TMPO: variants seen among roughly 807,000 people sequenced by gnomAD.
TMPO encodes thymopoietin.
TMPO carries 22 observed loss-of-function variants against 45.4 expected under a neutral mutation model. That is an observed-to-expected ratio of 0.48 (90% CI 0.35 to 0.69). TMPO has a LOEUF of 0.69. TMPO is among the 30% of genes least tolerant of loss of function. TMPO has a pLI of 0.01. For missense variants in TMPO, 512 were observed against 548.8 expected (o/e 0.93, Z 0.67); for synonymous variants, 241 against 204.1 (o/e 1.18, Z -1.54).
chr12:98,542,451 CT>C (rs35487542), intron 4 of TMPO, among the ~76,000 whole-genome samples: 159 of 138,264 alleles, frequency 1.1e-3, no homozygotes, highest in Middle Eastern at 7.3e-3. Context: ...GGGGCATTTG[CT>C]TTTTTTTTTT....
At chr12:98,538,244 TGGC>T (rs1877692429) in intron 4 of TMPO, among the ~76,000 whole-genome samples, 1 of 152,260 alleles carries the variant, frequency 6.6e-6, no homozygotes, top group African/African-American at 2.4e-5. Flanking sequence ...AGCATTGATT[TGGC>T]TGATGCTTTA....
chr12:98,544,490 A>G lies in TMPO; in HGVS notation c.832A>G (p.Ser278Gly), dbSNP rs1186084151. 6.2e-7 allele frequency: 1 copy of G among 1,613,972 alleles called. No homozygotes were observed. Among genetic ancestry groups the G allele is most frequent in the African/African-American group, 1.3e-5 (1 of 75,050 alleles). The change falls in exon 6 of 9, where the codon AGT (serine) becomes GGT (glycine). Residue 278 changes from serine to glycine, a missense_variant. Transcript: ENST00000556029. ...FRIDGPVISE[S>G]TPIAETIMAS... ...TATAGATGGTCCAGTAATTTCAGAG[A>G]GTACTCCCATAGCTGAAACTATAAT...
intron 3 of TMPO, chr12:98,534,781 C>G (rs1042362703): frequency 9.9e-7 from 1 of 1,009,818 alleles, no homozygotes; most frequent in Non-Finnish European, 1.2e-6. Context: ...ATCTCAGTAT[C>G]TTTTCACGTT....
At chr12:98,521,927 C>T (rs1876400620) in intron 1 of TMPO, among the ~76,000 whole-genome samples, 1 of 152,040 alleles carries the variant, frequency 6.6e-6, no homozygotes, top group East Asian at 1.9e-4. Flanking sequence ...ACAGTTTCAC[C>T]ATGTTGGTCA....
At chr12:98,526,431 C>A (rs928175827) in intron 1 of TMPO, among the ~76,000 whole-genome samples, 1 of 152,204 alleles carries the variant, frequency 6.6e-6, no homozygotes, top group Non-Finnish European at 1.5e-5. Context: ...CCTTATACTT[C>A]AGATCATCTC....
intron 7 of TMPO, 87 bp downstream of exon 7, chr12:98,545,148 G>A: frequency 6.1e-6 from 3 of 492,820 alleles, no homozygotes; most frequent in South Asian, 2.4e-5. Flanking sequence ...TTTTTTTTTT[G>A]GAGTGGGAGG....
chr12:98,515,754 G>A lies in TMPO; in HGVS notation c.-114G>A, dbSNP rs936097139. Reference sequence around the variant, plus strand: ...TGTTCCGCTCCGCAGCGCTCTTCCCGGGCAGGAGCCGTGAGGCTCGGAGGC... The same window carrying A: ...TGTTCCGCTCCGCAGCGCTCTTCCCAGGCAGGAGCCGTGAGGCTCGGAGGC... On this transcript the variant is annotated 5_prime_UTR_variant, in exon 1 of 9. Coordinates refer to ENST00000556029, the MANE Select transcript of TMPO (RefSeq NM_001032283.3). 4.5e-6 allele frequency: 7 copies of A among 1,541,248 alleles called. No individual in the cohort carries two copies. In the African/African-American group the frequency reaches 5.5e-5, roughly 12 times the overall value.
At chr12:98,527,259 A>AGG (rs1216782858) in intron 1 of TMPO, among the ~76,000 whole-genome samples, 1 of 146,568 alleles carries the variant, frequency 6.8e-6, no homozygotes, top group African/African-American at 2.5e-5. Context: ...ACACTTTGGG[A>AGG]GGCCAAGGTG....
Position 98,531,770 on chromosome 12 carries a change from C to A in TMPO, c.497C>A (p.Ser166Tyr), listed in dbSNP as rs147012167. ...TCTTCTACTCCTCTGCCAACAATTT[C>A]TTCTTCAGCAGAAAATACAAGGCAG... is the stretch of plus-strand genomic sequence containing the variant. ...SRSSTPLPTI[S>Y]SSAENTRQNG... Residue 166 changes from serine to tyrosine, a missense_variant, in exon 3 of 9, where the codon TCT (serine) becomes TAT (tyrosine). By Grantham distance (144) the Ser-to-Tyr change is moderately radical. This residue lies in a region of TMPO where 299 missense variants were observed against 296.7 expected (regional missense o/e 1.01). Coordinates refer to ENST00000556029, the MANE Select transcript of TMPO (RefSeq NM_001032283.3). 4.4e-5 allele frequency: 71 copies of A among 1,613,718 alleles called. No individual in the cohort carries two copies. The highest frequency in any genetic ancestry group is 5.4e-5 in the Non-Finnish European group (64 of 1,179,876).
intron 1 of TMPO, among the ~76,000 whole-genome samples, chr12:98,525,158 A>G (rs568266553): frequency 6.6e-6 from 1 of 152,356 alleles, no homozygotes; most frequent in Non-Finnish European, 1.5e-5. Flanking sequence ...CTTGAAAGAA[A>G]TAAGTCTTAG....
Position 98,548,767 on chromosome 12 carries a change from C to A in TMPO, c.*909C>A, listed in dbSNP as rs755400555. The A allele has an allele frequency of 6.6e-6, 1 of 152,122 alleles. No homozygotes were observed. The highest frequency in any genetic ancestry group is 1.5e-5 in the Non-Finnish European group (1 of 68,038). The allele number at this position is 152,122 out of a possible 1,614,324, so 9.4% of individuals were successfully genotyped here. On this transcript the variant is annotated 3_prime_UTR_variant, in exon 9 of 9. Transcript: ENST00000556029. ...GATTCATTATTGCATTGTCTTGTTA[C>A]CAGAAACAAATTTTGCCGAGCTTTT... is the stretch of plus-strand genomic sequence containing the variant.
intron 6 of TMPO, 196 bp from the exon 7 acceptor site, chr12:98,544,755 G>A (rs1439721268): frequency 1.5e-6 from 1 of 650,058 alleles, no homozygotes; most frequent in African/African-American, 1.8e-5. Flanking sequence ...GAAAGTATAA[G>A]GATATTTTTT....
intron 1 of TMPO, among the ~76,000 whole-genome samples, chr12:98,521,916 G>C (rs1468642279): frequency 6.6e-6 from 1 of 152,118 alleles, no homozygotes; most frequent in African/African-American, 2.4e-5. Context: ...TTTTAGTAGA[G>C]ACAGTTTCAC....
chr12:98,523,734 G>A (rs1876553676), intron 1 of TMPO, among the ~76,000 whole-genome samples: 1 of 152,046 alleles, frequency 6.6e-6, no homozygotes, highest in Non-Finnish European at 1.5e-5. Flanking sequence ...GGAGTGCAGT[G>A]GCGCAATCTT....
At chr12:98,531,563 A>G (rs1877194386) in intron 2 of TMPO, 117 bp from the exon 3 acceptor site, 5 of 1,131,368 alleles carry the variant, frequency 4.4e-6, no homozygotes, top group Non-Finnish European at 5.2e-6. Flanking sequence ...TTTTTTAAGA[A>G]CTTGAGTTTA....
intron 1 of TMPO, 181 bp from the exon 2 acceptor site, chr12:98,527,705 C>T: frequency 1.6e-6 from 1 of 631,808 alleles, no homozygotes; most frequent in Non-Finnish European, 2.7e-6. Flanking sequence ...TGTATGATTA[C>T]AGTTCAACTT....
chr12:98,525,356 A>AT (rs1240012381), intron 1 of TMPO, among the ~76,000 whole-genome samples: 1 of 152,132 alleles, frequency 6.6e-6, no homozygotes, highest in Admixed American at 6.6e-5. Context: ...ATGAGCAGCT[A>AT]TTTTTTTGGT....
chr12:98,535,772 T>C, intron 3 of TMPO: 1 of 599,914 alleles, frequency 1.7e-6, no homozygotes, highest in Non-Finnish European at 2.1e-6. Flanking sequence ...TAATTGAAAA[T>C]ATTCTGATTA....
At position 98,516,166 on chromosome 12, in the gene TMPO, G is replaced by T. The variant is rs1330333062; in HGVS notation, c.279+20G>T. Reference sequence around the variant, plus strand: ...GGCAGGGTAAGGACGCGGGGCCGGGGCTACAAAGGCGGGCGTTTGGCGGTT... The same window carrying T: ...GGCAGGGTAAGGACGCGGGGCCGGGTCTACAAAGGCGGGCGTTTGGCGGTT... On this transcript the variant is annotated intron_variant, in intron 1 of 8. Transcript: ENST00000556029. 1.3e-5 allele frequency: 17 copies of T among 1,349,636 alleles called. No individual in the cohort carries two copies. Among genetic ancestry groups the T allele is most frequent in the Admixed American group, 7.9e-5 (2 of 25,190 alleles). 83.6% of individuals were successfully genotyped at this position (1,349,636 alleles called of 1,614,324 possible).
Sources: allele counts gnomAD v4.1 joint callset (sites outside exome capture counted in the v4.1 genomes callset), GRCh38; gene constraint gnomAD v4.1.1; regional missense constraint gnomAD v4.1.1; transcripts MANE v1.5; gene names NCBI Gene and HGNC (gene_info 2026-07-23, HGNC 2026-07-21).